The following CABCOCO1 variants were observed in gnomAD, a reference collection of about 807,000 sequenced individuals.
CABCOCO1 encodes the protein ciliary associated calcium binding coiled-coil 1, also known as ciliary-associated calcium-binding coiled-coil protein 1.
In CABCOCO1, 28 loss-of-function variants were observed where a neutral mutation model predicts 35.7. The ratio of observed to expected loss-of-function variants is 0.78; its 90% CI spans 0.58 to 1.07. The LOEUF (loss-of-function observed/expected upper bound fraction) is 1.07, where lower values mean the gene tolerates loss of function less well. Ranked by LOEUF, CABCOCO1 falls within the 50% of genes least tolerant of loss-of-function variation. The pLI is 0.00. For synonymous variants in CABCOCO1, 95 were observed against 100.1 expected (o/e 0.95, Z 0.30); for missense variants, 326 against 309.2 (o/e 1.05, Z -0.41).
chr10:61,747,356 A>G (rs1031810434), intron 5 of CABCOCO1, among the ~76,000 whole-genome samples: 6 of 152,184 alleles, frequency 3.9e-5, no homozygotes, highest in African/African-American at 1.2e-4. Context: ...GAAGAAATAG[A>G]ATGTGTCATT....
chr10:61,693,482 G>T (rs1233412323), intron 5 of CABCOCO1, among the ~76,000 whole-genome samples: 1 of 151,922 alleles, frequency 6.6e-6, no homozygotes, highest in African/African-American at 2.4e-5. Flanking sequence ...GTGGATAGAT[G>T]AGAAAAAAAC....
At chr10:61,688,718 A>G (rs1840041323) in intron 4 of CABCOCO1, among the ~76,000 whole-genome samples, 1 of 152,220 alleles carries the variant, frequency 6.6e-6, no homozygotes, top group Non-Finnish European at 1.5e-5. Flanking sequence ...ACCACAGGGT[A>G]TTGCACTTCC....
intron 5 of CABCOCO1, among the ~76,000 whole-genome samples, chr10:61,744,484 A>C (rs1841614205): frequency 6.6e-6 from 1 of 152,190 alleles, no homozygotes; most frequent in Admixed American, 6.6e-5. Flanking sequence ...GCAAATGAAC[A>C]AACATAGCAT....
intron 5 of CABCOCO1, among the ~76,000 whole-genome samples, chr10:61,701,265 T>A (rs1840451203): frequency 6.6e-6 from 1 of 152,200 alleles, no homozygotes; most frequent in East Asian, 1.9e-4. Context: ...CTCAGCATTA[T>A]TTCTTTTTTC....
chr10:61,671,615 G>A (rs1839362964), intron 1 of CABCOCO1, among the ~76,000 whole-genome samples: 1 of 151,660 alleles, frequency 6.6e-6, no homozygotes, highest in Non-Finnish European at 1.5e-5. Flanking sequence ...CCTCTTTTAG[G>A]CCCCCATAAC....
Position 61,686,129 on chromosome 10 carries a change from C to T in CABCOCO1, c.423C>T (p.Asp141=). 1 of 1,602,064 alleles carries T rather than the reference C, an allele frequency of 6.2e-7. No homozygotes were observed. The highest frequency in any genetic ancestry group is 8.5e-7 in the Non-Finnish European group (1 of 1,176,654). ...CAACACATTCGCAAAAGAGTGAGGA[C>T]TGGAATATCTTTGATGTAAAACAAG... The part of the protein sequence containing the change: ...IGPTHSQKSE[D]WNIFDVKQAN... The change falls in exon 4 of 8, where the codon GAC becomes GAT. Residue 141 remains aspartate, a synonymous_variant. Coordinates refer to ENST00000648843, the MANE Select transcript of CABCOCO1 (RefSeq NM_001366906.2).
intron 5 of CABCOCO1, among the ~76,000 whole-genome samples, chr10:61,699,048 T>C (rs1355902478): frequency 6.6e-6 from 1 of 152,176 alleles, no homozygotes; most frequent in Admixed American, 6.6e-5. Context: ...GATGATCCTA[T>C]TAGCAAACTG....
intron 5 of CABCOCO1, among the ~76,000 whole-genome samples, chr10:61,743,184 AG>A (rs1841586713): frequency 6.6e-6 from 1 of 152,210 alleles, no homozygotes; most frequent in Non-Finnish European, 1.5e-5. Flanking sequence ...CAACAAATGA[AG>A]GGAAATATAT....
intron 1 of CABCOCO1, among the ~76,000 whole-genome samples, chr10:61,671,941 G>A (rs1839373193): frequency 6.6e-6 from 1 of 152,168 alleles, no homozygotes; most frequent in Non-Finnish European, 1.5e-5. Context: ...GTACATATTT[G>A]TTGAATCATT....
intron 5 of CABCOCO1, among the ~76,000 whole-genome samples, chr10:61,699,317 A>C (rs1840378578): frequency 1.3e-5 from 2 of 152,194 alleles, no homozygotes; most frequent in Admixed American, 1.3e-4. Flanking sequence ...TAAATCTTTT[A>C]AGAGAAATTC....
chr10:61,668,231 A>C (rs1419475971), intron 1 of CABCOCO1, among the ~76,000 whole-genome samples: 1 of 151,906 alleles, frequency 6.6e-6, no homozygotes, highest in Non-Finnish European at 1.5e-5. Flanking sequence ...GTTTTAGTAC[A>C]TTTTAAAATT....
intron 4 of CABCOCO1, among the ~76,000 whole-genome samples, chr10:61,688,933 C>A (rs1245307205): frequency 6.6e-6 from 1 of 152,182 alleles, no homozygotes; most frequent in Non-Finnish European, 1.5e-5. Context: ...CTAGTCCTGG[C>A]CTTGCCCCCA....
chr10:61,763,491 T>C (rs1842049118), intron 7 of CABCOCO1, among the ~76,000 whole-genome samples: 1 of 152,028 alleles, frequency 6.6e-6, no homozygotes. Flanking sequence ...CAAAATGAAA[T>C]TATTTTGGCC....
chr10:61,753,794 A>G lies in CABCOCO1; in HGVS notation c.553-6265A>G, dbSNP rs1589155686. ...TGTCATTCTATCTAGGTCTCAAAAG[A>G]GAAGTTGTTTGGGACCAAGGAACTC... On this transcript the variant is annotated intron_variant, in intron 5 of 7. Transcript: ENST00000648843. Among the ~76,000 whole-genome samples, 4 of 152,250 alleles carry G rather than the reference A, an allele frequency of 2.6e-5. No homozygotes were observed. The South Asian group carries it at 8.3e-4, about 32-fold the overall frequency.
At chr10:61,765,158 C>T (rs59760294) in intron 7 of CABCOCO1, among the ~76,000 whole-genome samples, 3,432 of 152,154 alleles carry the variant, frequency 0.023, 116 homozygotes, top group African/African-American at 0.077. Context: ...ACCTAAACAA[C>T]AACAAAAACA....
chr10:61,724,922 T>C (rs1353913632), intron 5 of CABCOCO1, among the ~76,000 whole-genome samples: 1 of 152,172 alleles, frequency 6.6e-6, no homozygotes, highest in Non-Finnish European at 1.5e-5. Flanking sequence ...GTAACAAACC[T>C]GCATGTTGTG....
rs553594359 is a variant in CABCOCO1, at chr10:61,709,759, T to C, written c.552+19138T>C. ...TTCCCCTCATTTCTCTCATTTTTCGTAGGGTTCCAGCACTGTATCACTATT... is the reference window on the plus strand; with the variant it reads ...TTCCCCTCATTTCTCTCATTTTTCGCAGGGTTCCAGCACTGTATCACTATT... On this transcript the variant is annotated intron_variant, in intron 5 of 7. Coordinates refer to ENST00000648843, the MANE Select transcript of CABCOCO1 (RefSeq NM_001366906.2). Among the ~76,000 whole-genome samples the C allele has an allele frequency of 2.2e-4, 33 of 152,042 alleles. 1 individual carries two copies. The highest frequency in any genetic ancestry group is 7.9e-4 in the African/African-American group (33 of 41,518).
intron 5 of CABCOCO1, among the ~76,000 whole-genome samples, chr10:61,753,018 A>G (rs61850521): frequency 0.018 from 2,709 of 152,310 alleles, 49 homozygotes; most frequent in Middle Eastern, 0.051. Flanking sequence ...GAGTTCTTCC[A>G]TTGTAGTTTC....
intron 1 of CABCOCO1, among the ~76,000 whole-genome samples, chr10:61,669,020 GA>G (rs200867627): frequency 0.11 from 11,272 of 102,736 alleles, 948 homozygotes; most frequent in African/African-American, 0.13. Flanking sequence ...AAGGGTTGGG[GA>G]AAAAAAAAAA....
Sources: gnomAD v4.1 joint callset for allele counts (sites outside exome capture counted in the v4.1 genomes callset) on GRCh38, gnomAD v4.1.1 for gene constraint, MANE v1.5 for transcripts, NCBI Gene and HGNC (gene_info 2026-07-23, HGNC 2026-07-21) for gene names.